Variants in CDH20 observed in about 807,000 individuals in gnomAD.
CDH20 encodes cadherin 20.
Under a neutral mutation model 74.2 loss-of-function variants are expected in CDH20, and 29 were observed. The ratio of observed to expected loss-of-function variants is 0.39; its 90% CI spans 0.29 to 0.53. The LOEUF (loss-of-function observed/expected upper bound fraction) is 0.53, where lower values mean the gene tolerates loss of function less well. Among genes scored for constraint, CDH20 ranks in the 20% least tolerant of loss-of-function variants. The pLI, the probability that CDH20 is intolerant of heterozygous loss-of-function variation, is 0.69. For synonymous variants in CDH20, 469 were observed against 405.4 expected, an observed-to-expected ratio of 1.16 and a Z score of -1.88; for missense variants, 988 against 1,048.3, an observed-to-expected ratio of 0.94 and a Z score of 0.79.
chr18:61,505,230 G>A (rs770376372), intron 5 of CDH20, among the ~76,000 whole-genome samples: 3 of 152,036 alleles, frequency 2.0e-5, no homozygotes, highest in African/African-American at 7.3e-5. Context: ...AGATGGATTC[G>A]GACATATTGC....
At chr18:61,508,622 C>CTAT (rs56980561) in intron 6 of CDH20, among the ~76,000 whole-genome samples, 11,850 of 151,504 alleles carry the variant, frequency 0.078, 609 homozygotes, top group East Asian at 0.18. Flanking sequence ...AGATTGGAGA[C>CTAT]TATTATTATT....
chr18:61,350,441 T>C (rs894097743), intron 1 of CDH20, among the ~76,000 whole-genome samples: 12 of 152,040 alleles, frequency 7.9e-5, no homozygotes, highest in African/African-American at 2.7e-4. Context: ...TCATGGTAAT[T>C]ATGTAGATGG....
intron 1 of CDH20, among the ~76,000 whole-genome samples, chr18:61,428,990 C>T (rs1913165661): frequency 9.2e-5 from 14 of 152,064 alleles, no homozygotes; most frequent in Admixed American, 8.5e-4. Flanking sequence ...CAGTAGTCCC[C>T]AGCTTCAGTT....
Position 61,480,836 on chromosome 18 carries a change from T to C in CDH20, c.-152-9566T>C, listed in dbSNP as rs146526218. ...ACAGTTCTAGTAGACTTCTGACACA[T>C]AAGGATTATGTTGTCTGCTCAAGAA... On this transcript the variant is annotated intron_variant, in intron 1 of 11. Transcript: ENST00000262717. Among the ~76,000 whole-genome samples, 308 of 152,344 alleles carry C rather than the reference T, an allele frequency of 2.0e-3. 1 individual carries two copies. Among genetic ancestry groups the C allele is most frequent in the African/African-American group, 6.9e-3 (288 of 41,572 alleles).
chr18:61,473,235 A>G (rs1334523405), intron 1 of CDH20, among the ~76,000 whole-genome samples: 1 of 152,204 alleles, frequency 6.6e-6, no homozygotes, highest in Non-Finnish European at 1.5e-5. Flanking sequence ...AACCAATTCT[A>G]TTATTTAAAT....
intron 1 of CDH20, among the ~76,000 whole-genome samples, chr18:61,471,333 C>T (rs1393163074): frequency 2.0e-5 from 3 of 152,196 alleles, no homozygotes; most frequent in Non-Finnish European, 4.4e-5. Context: ...CTCCTGTCTA[C>T]TAGGAAAACA....
chr18:61,375,506 T>G (rs777336828), intron 1 of CDH20, among the ~76,000 whole-genome samples: 1 of 152,152 alleles, frequency 6.6e-6, no homozygotes, highest in Admixed American at 6.6e-5. Flanking sequence ...TTCGTGCTAC[T>G]TCCACCCTCC....
chr18:61,486,068 A>G (rs7235389), intron 1 of CDH20, among the ~76,000 whole-genome samples: 150,896 of 152,192 alleles, frequency 0.99, 74,823 homozygotes, highest in Middle Eastern at 1. Flanking sequence ...GCGAGACTCC[A>G]TCTCAAAAAA....
chr18:61,377,583 A>T (rs1911282541), intron 1 of CDH20, among the ~76,000 whole-genome samples: 1 of 151,748 alleles, frequency 6.6e-6, no homozygotes, highest in Non-Finnish European at 1.5e-5. Flanking sequence ...AATATATTTT[A>T]TTTCTTAAAT....
intron 1 of CDH20, among the ~76,000 whole-genome samples, chr18:61,372,616 G>C (rs1911081251): frequency 6.6e-6 from 1 of 151,944 alleles, no homozygotes; most frequent in Non-Finnish European, 1.5e-5. Context: ...AAATGGTTGG[G>C]AAAAAAATCA....
At chr18:61,367,403 T>C (rs1408884746) in intron 1 of CDH20, among the ~76,000 whole-genome samples, 2 of 152,212 alleles carry the variant, frequency 1.3e-5, no homozygotes, top group Non-Finnish European at 2.9e-5. Context: ...CAAATTATTA[T>C]TTCGTGGCTT....
At chr18:61,384,681 A>G (rs1047530013) in intron 1 of CDH20, among the ~76,000 whole-genome samples, 11 of 152,148 alleles carry the variant, frequency 7.2e-5, no homozygotes, top group African/African-American at 2.7e-4. Context: ...TTAGCCCCAA[A>G]TAATAACCAA....
intron 8 of CDH20, 135 bp from the exon 9 acceptor site, chr18:61,538,888 TC>T: frequency 1.1e-6 from 1 of 891,386 alleles, no homozygotes; most frequent in Non-Finnish European, 1.7e-6. Context: ...CGCCTCGGCC[TC>T]CCAAAGTGCT....
chr18:61,377,529 T>G (rs76509812), intron 1 of CDH20, among the ~76,000 whole-genome samples: 5,928 of 151,574 alleles, frequency 0.039, 161 homozygotes, highest in South Asian at 0.087. Context: ...CCACTTTGAG[T>G]TTTTACTTGG....
chr18:61,441,507 C>T (rs1354141205), intron 1 of CDH20, among the ~76,000 whole-genome samples: 1 of 151,862 alleles, frequency 6.6e-6, no homozygotes, highest in African/African-American at 2.4e-5. Flanking sequence ...ATTAGGTGAA[C>T]CAAATAAGCA....
intron 1 of CDH20, among the ~76,000 whole-genome samples, chr18:61,340,798 A>G (rs1009344327): frequency 1.7e-4 from 26 of 152,236 alleles, no homozygotes; most frequent in African/African-American, 6.3e-4. Context: ...TTTTAAGCCA[A>G]CAGACGTAAT....
chr18:61,448,871 AAC>A (rs1909286073), intron 1 of CDH20, among the ~76,000 whole-genome samples: 1 of 152,176 alleles, frequency 6.6e-6, no homozygotes, highest in African/African-American at 2.4e-5. Context: ...AGCAGAATTC[AAC>A]ACTCTTCAGG....
chr18:61,453,095 A>T (rs2144342013), intron 1 of CDH20, among the ~76,000 whole-genome samples: 1 of 152,210 alleles, frequency 6.6e-6, no homozygotes, highest in South Asian at 2.1e-4. Flanking sequence ...TATAGTCCAG[A>T]TACAAAACAT....
intron 1 of CDH20, among the ~76,000 whole-genome samples, chr18:61,422,435 AAT>A (rs1912913864): frequency 6.6e-6 from 1 of 152,148 alleles, no homozygotes; most frequent in African/African-American, 2.4e-5. Context: ...CAGGGCAAAA[AAT>A]AAATAAATAA....
Sources: gnomAD v4.1 joint callset for allele counts (sites outside exome capture counted in the v4.1 genomes callset) on GRCh38, gnomAD v4.1.1 for gene constraint, MANE v1.5 for transcripts, NCBI Gene and HGNC (gene_info 2026-07-23, HGNC 2026-07-21) for gene names.